Variants in ROR1 observed in about 807,000 individuals in gnomAD.
ROR1 encodes inactive tyrosine-protein kinase transmembrane receptor ROR1.
Under a neutral mutation model 78.8 loss-of-function variants are expected in ROR1, and 19 were observed. The observed-to-expected ratio is 0.24, with a 90% CI of 0.17 to 0.35. ROR1 has a LOEUF of 0.35. Among genes scored for constraint, ROR1 ranks in the 10% least tolerant of loss-of-function variants. The probability of loss-of-function intolerance (pLI) is 1.00; values close to 1 mark genes in which losing one functional copy is unlikely to be tolerated. For synonymous variants in ROR1, 386 were observed against 433.6 expected (o/e 0.89, Z 1.36); for missense variants, 917 against 1,177.8 (o/e 0.78, Z 3.24).
intron 1 of ROR1, among the ~76,000 whole-genome samples, chr1:63,973,588 C>A (rs1646135320): frequency 6.6e-6 from 1 of 152,088 alleles, no homozygotes; most frequent in African/African-American, 2.4e-5. Context: ...GTGACTCCTG[C>A]TTCAGGGACT....
At chr1:63,887,609 A>G (rs1645365790) in intron 1 of ROR1, among the ~76,000 whole-genome samples, 1 of 152,186 alleles carries the variant, frequency 6.6e-6, no homozygotes, top group Non-Finnish European at 1.5e-5. Context: ...TCTGGCTTCT[A>G]TCACCATAGT....
intron 1 of ROR1, among the ~76,000 whole-genome samples, chr1:64,002,638 A>G (rs1646394453): frequency 6.6e-6 from 1 of 152,204 alleles, no homozygotes; most frequent in Admixed American, 6.5e-5. Flanking sequence ...TTCTTTAAAT[A>G]CAAGAACTGC....
intron 4 of ROR1, among the ~76,000 whole-genome samples, chr1:64,129,137 C>T (rs1369256117): frequency 3.9e-5 from 6 of 152,018 alleles, no homozygotes; most frequent in Admixed American, 1.3e-4. Flanking sequence ...TTTTTTTAAC[C>T]ACCATCAGCA....
intron 4 of ROR1, among the ~76,000 whole-genome samples, chr1:64,060,447 A>G (rs1433732513): frequency 6.6e-6 from 1 of 152,166 alleles, no homozygotes; most frequent in Non-Finnish European, 1.5e-5. Flanking sequence ...TCCTTTCTGC[A>G]GAGAACAAAG....
chr1:64,035,290 G>A (rs1646693181), intron 2 of ROR1, among the ~76,000 whole-genome samples: 1 of 152,182 alleles, frequency 6.6e-6, no homozygotes, highest in Non-Finnish European at 1.5e-5. Context: ...GCTTTGGAAA[G>A]GGTTCCATTG....
chr1:64,167,585 T>G (rs1650120132), intron 8 of ROR1, among the ~76,000 whole-genome samples: 1 of 152,160 alleles, frequency 6.6e-6, no homozygotes, highest in Non-Finnish European at 1.5e-5. Flanking sequence ...ATGAGTAGAG[T>G]CAATTGTTTC....
intron 1 of ROR1, among the ~76,000 whole-genome samples, chr1:63,944,193 C>A (rs1386350789): frequency 1.3e-5 from 2 of 152,138 alleles, no homozygotes; most frequent in African/African-American, 2.4e-5. Flanking sequence ...ATTTGATACA[C>A]AAAGAACCTA....
chr1:63,789,204 T>G, intron 1 of ROR1: 1 of 600,550 alleles, frequency 1.7e-6, no homozygotes, highest in Non-Finnish European at 3.2e-6. Context: ...GGAGTTGGCA[T>G]TGGAGATTTC....
At chr1:63,975,727 C>T (rs1222874718) in intron 1 of ROR1, among the ~76,000 whole-genome samples, 2 of 152,180 alleles carry the variant, frequency 1.3e-5, no homozygotes, top group East Asian at 3.9e-4. Context: ...GAGGTTTATG[C>T]TATACAATCT....
intron 4 of ROR1, among the ~76,000 whole-genome samples, chr1:64,062,457 G>A (rs1251846196): frequency 6.6e-6 from 1 of 151,972 alleles, no homozygotes; most frequent in African/African-American, 2.4e-5. Flanking sequence ...GACTACAGGC[G>A]CCCGCCACCA....
intron 4 of ROR1, among the ~76,000 whole-genome samples, chr1:64,131,232 TG>T (rs1302210223): frequency 6.6e-6 from 1 of 151,918 alleles, no homozygotes; most frequent in Admixed American, 6.6e-5. Flanking sequence ...CAAAACAGGG[TG>T]TATGAAAGGG....
At chr1:63,920,142 T>G (rs1645642946) in intron 1 of ROR1, among the ~76,000 whole-genome samples, 1 of 152,248 alleles carries the variant, frequency 6.6e-6, no homozygotes, top group Admixed American at 6.5e-5. Flanking sequence ...GAAACATTGT[T>G]GGGCAGGATG....
At chr1:63,885,624 A>T (rs1014663394) in intron 1 of ROR1, among the ~76,000 whole-genome samples, 1 of 152,108 alleles carries the variant, frequency 6.6e-6, no homozygotes, top group African/African-American at 2.4e-5. Flanking sequence ...GTATCTTAAG[A>T]TGTTGTCATC....
In ROR1 at chr1:64,109,214, A is replaced by G. The variant is rs934285417; in HGVS notation, c.483-28155A>G. ...GTTTTATCAGAGCAGAGGTAGCCAAATCTTCTAGACCTTATAGATCAGCTC... is the reference window on the plus strand; with the variant it reads ...GTTTTATCAGAGCAGAGGTAGCCAAGTCTTCTAGACCTTATAGATCAGCTC... On this transcript the variant is annotated intron_variant, in intron 4 of 8. Transcript: ENST00000371079. Among the ~76,000 whole-genome samples, 10 of 152,202 alleles carry G rather than the reference A, an allele frequency of 6.6e-5. No individual in the cohort carries two copies. In the East Asian group the frequency reaches 9.6e-4, roughly 15 times the overall value.
intron 1 of ROR1, among the ~76,000 whole-genome samples, chr1:63,882,855 A>C (rs1645331822): frequency 6.6e-6 from 1 of 152,204 alleles, no homozygotes; most frequent in Non-Finnish European, 1.5e-5. Flanking sequence ...ATGAGTCCAG[A>C]GGAAAACATC....
At chr1:64,078,081 A>G (rs372330037) in intron 4 of ROR1, among the ~76,000 whole-genome samples, 4 of 152,220 alleles carry the variant, frequency 2.6e-5, no homozygotes, top group African/African-American at 9.6e-5. Context: ...AACAGTCTAC[A>G]TAAGGGGCCA....
At chr1:63,874,952 C>T (rs1645275589) in intron 1 of ROR1, among the ~76,000 whole-genome samples, 1 of 152,148 alleles carries the variant, frequency 6.6e-6, no homozygotes, top group African/African-American at 2.4e-5. Context: ...TATGGTGGAG[C>T]ATTTCTTTTA....
chr1:64,137,607 G>A (rs1649160175), intron 5 of ROR1, 111 bp downstream of exon 5: 1 of 1,008,956 alleles, frequency 9.9e-7, no homozygotes, highest in Non-Finnish European at 1.4e-6. Flanking sequence ...TGGAGGTTGG[G>A]AGCAGGACCA....
intron 1 of ROR1, among the ~76,000 whole-genome samples, chr1:63,787,461 C>CCTTCCTTG (rs1450848868): frequency 4.4e-5 from 6 of 136,104 alleles, no homozygotes; most frequent in Non-Finnish European, 7.7e-5. Context: ...TTCCTTCCTT[C>CCTTCCTTG]CTTCCTTCCT....
Sources: gnomAD v4.1 joint callset for allele counts (sites outside exome capture counted in the v4.1 genomes callset) on GRCh38, gnomAD v4.1.1 for gene constraint, MANE v1.5 for transcripts, NCBI Gene and HGNC (gene_info 2026-07-23, HGNC 2026-07-21) for gene names.